Variants in CSMD1 observed in about 807,000 individuals in gnomAD.
CSMD1 encodes CUB and Sushi multiple domains 1, also known as CUB and sushi domain-containing protein 1.
CSMD1 carries 213 observed loss-of-function variants against 417.5 expected under a neutral mutation model. The observed-to-expected ratio is 0.51, with a 90% CI of 0.46 to 0.57. The LOEUF (loss-of-function observed/expected upper bound fraction) is 0.57. CSMD1 is among the 20% of genes least tolerant of loss of function. The pLI, the probability that CSMD1 is intolerant of heterozygous loss-of-function variation, is 0.00. For synonymous variants in CSMD1, 2,862 were observed against 1,736.8 expected (o/e 1.65, Z -16.11); for missense variants, 6,923 against 4,529.7 (o/e 1.53, Z -15.17).
chr8:4,166,777 C>A (rs1345110195), intron 3 of CSMD1, among the ~76,000 whole-genome samples: 1 of 152,134 alleles, frequency 6.6e-6, no homozygotes, highest in Non-Finnish European at 1.5e-5. Context: ...CAAAATGTAG[C>A]CCTACCAAAA....
intron 3 of CSMD1, among the ~76,000 whole-genome samples, chr8:4,319,639 C>A (rs1466661880): frequency 5.3e-5 from 8 of 152,042 alleles, no homozygotes; most frequent in Admixed American, 1.3e-4. Context: ...ATTACTTACC[C>A]AGTTCACTGC....
chr8:4,649,831 C>A (rs1470941080), intron 1 of CSMD1, among the ~76,000 whole-genome samples: 1 of 152,178 alleles, frequency 6.6e-6, no homozygotes, highest in Non-Finnish European at 1.5e-5. Context: ...CCTGATACTA[C>A]AATATGAGTT....
intron 3 of CSMD1, among the ~76,000 whole-genome samples, chr8:4,223,132 A>G (rs751038779): frequency 1.3e-5 from 2 of 151,896 alleles, no homozygotes; most frequent in African/African-American, 2.4e-5. Flanking sequence ...GCTCAGTAAG[A>G]CCTTGGGGAA....
chr8:3,458,079 A>G lies in CSMD1; in HGVS notation c.1561+10633T>C, dbSNP rs984889323. 3.9e-5 allele frequency among the ~76,000 whole-genome samples: 6 copies of G among 152,204 alleles called. No homozygotes were observed. The East Asian group carries it at 5.8e-4, about 15-fold the overall frequency. ...TACAGATTGGAGAACGTCTCCCAGG[A>G]AGTTTGCTCTAACGTGAGCCCCGCA... On this transcript the variant is annotated intron_variant, in intron 12 of 69. Coordinates refer to ENST00000635120, the MANE Select transcript of CSMD1 (RefSeq NM_033225.6).
intron 11 of CSMD1, among the ~76,000 whole-genome samples, chr8:3,474,089 T>G (rs1817268409): frequency 6.6e-6 from 1 of 152,092 alleles, no homozygotes; most frequent in Non-Finnish European, 1.5e-5. Flanking sequence ...GAGATGAGAT[T>G]TGAGTGGGGA....
At chr8:3,518,103 T>C (rs1019801927) in intron 10 of CSMD1, among the ~76,000 whole-genome samples, 2 of 152,130 alleles carry the variant, frequency 1.3e-5, no homozygotes, top group South Asian at 2.1e-4. Flanking sequence ...AATATGACTA[T>C]AGATTATAAC....
At chr8:4,357,841 G>C (rs558006155) in intron 3 of CSMD1, among the ~76,000 whole-genome samples, 190 of 152,192 alleles carry the variant, frequency 1.2e-3, no homozygotes, top group Non-Finnish European at 2.4e-3. Context: ...AAAAGTGTGA[G>C]TAATATCACT....
intron 2 of CSMD1, among the ~76,000 whole-genome samples, chr8:4,543,055 A>G (rs1032027674): frequency 6.6e-6 from 1 of 152,214 alleles, no homozygotes; most frequent in Non-Finnish European, 1.5e-5. Flanking sequence ...AAGATTTCAT[A>G]TATACCCCTC....
At chr8:2,980,349 C>T (rs1805298483) in intron 54 of CSMD1, among the ~76,000 whole-genome samples, 1 of 151,080 alleles carries the variant, frequency 6.6e-6, no homozygotes, top group African/African-American at 2.4e-5. Flanking sequence ...CCTCCATTTC[C>T]TCCTCCACCT....
chr8:3,017,773 T>C (rs1317263839), intron 52 of CSMD1, among the ~76,000 whole-genome samples: 1 of 134,520 alleles, frequency 7.4e-6, no homozygotes. Context: ...TTCAGAAGCT[T>C]AAAGCTCCCA....
At chr8:2,958,015 T>A (rs909584027) in intron 62 of CSMD1, among the ~76,000 whole-genome samples, 7 of 152,244 alleles carry the variant, frequency 4.6e-5, no homozygotes, top group African/African-American at 1.7e-4. Context: ...ATGTAAGATC[T>A]TCTCGAATTT....
chr8:4,102,342 T>C (rs983830139), intron 3 of CSMD1, among the ~76,000 whole-genome samples: 3 of 152,212 alleles, frequency 2.0e-5, no homozygotes, highest in African/African-American at 7.2e-5. Context: ...TGTAGAATTT[T>C]TGCTTTGTTT....
At chr8:4,200,849 C>G (rs531716465) in intron 3 of CSMD1, among the ~76,000 whole-genome samples, 1 of 151,978 alleles carries the variant, frequency 6.6e-6, no homozygotes, top group African/African-American at 2.4e-5. Flanking sequence ...CAAAGTGAAA[C>G]CCTGTCTCAA....
chr8:3,020,902 C>T (rs1023581934), intron 51 of CSMD1, among the ~76,000 whole-genome samples: 3 of 152,192 alleles, frequency 2.0e-5, no homozygotes, highest in Non-Finnish European at 4.4e-5. Context: ...AATATGTTTG[C>T]TCTACCAAAT....
intron 3 of CSMD1, among the ~76,000 whole-genome samples, chr8:4,354,409 C>A (rs942378659): frequency 2.0e-5 from 3 of 152,158 alleles, no homozygotes; most frequent in African/African-American, 4.8e-5. Context: ...CGTTCCCCAA[C>A]AGAACTGAAA....
intron 3 of CSMD1, among the ~76,000 whole-genome samples, chr8:4,167,560 T>C (rs1461514706): frequency 6.6e-6 from 1 of 152,078 alleles, no homozygotes; most frequent in Non-Finnish European, 1.5e-5. Flanking sequence ...TTGCAGAAAT[T>C]AGCAGCAAAA....
intron 30 of CSMD1, among the ~76,000 whole-genome samples, chr8:3,210,071 T>C (rs994073718): frequency 2.0e-5 from 3 of 152,114 alleles, no homozygotes; most frequent in Admixed American, 1.3e-4. Context: ...TGCCCCAAAA[T>C]GCACCAACTG....
intron 34 of CSMD1, among the ~76,000 whole-genome samples, chr8:3,189,392 G>C (rs1378187262): frequency 6.6e-6 from 1 of 152,160 alleles, no homozygotes; most frequent in African/African-American, 2.4e-5. Flanking sequence ...ATATTAATGG[G>C]ATTTATGAGC....
intron 26 of CSMD1, among the ~76,000 whole-genome samples, chr8:3,275,905 G>A (rs1455701506): frequency 1.3e-5 from 2 of 152,052 alleles, no homozygotes; most frequent in Non-Finnish European, 2.9e-5. Flanking sequence ...TAATTTGATT[G>A]TCTGAAGCCT....
Sources: allele counts gnomAD v4.1 joint callset (sites outside exome capture counted in the v4.1 genomes callset), GRCh38; gene constraint gnomAD v4.1.1; transcripts MANE v1.5; gene names NCBI Gene and HGNC (gene_info 2026-07-23, HGNC 2026-07-21).